LOXHD1: variants seen among roughly 807,000 people sequenced by gnomAD.
LOXHD1 encodes the protein lipoxygenase homology domain-containing protein 1.
A neutral mutation model predicts 248.2 loss-of-function variants in LOXHD1; 205 were observed. That is an observed-to-expected ratio of 0.83 (90% CI 0.74 to 0.93). LOXHD1 has a LOEUF of 0.93. Ranked by LOEUF, LOXHD1 falls within the 40% of genes least tolerant of loss-of-function variation. The probability of loss-of-function intolerance (pLI) is 0.00; values close to 1 mark genes in which losing one functional copy is unlikely to be tolerated. For missense variants in LOXHD1, 2,930 were observed against 2,971.6 expected (o/e 0.99, Z 0.33); for synonymous variants, 1,113 against 1,162.8 (o/e 0.96, Z 0.87).
intron 28 of LOXHD1, among the ~76,000 whole-genome samples, chr18:46,532,626 T>G (rs919796201): frequency 6.6e-6 from 1 of 152,184 alleles, no homozygotes; most frequent in Non-Finnish European, 1.5e-5. Context: ...ACCACATTGA[T>G]GAAGAATGGA....
At chr18:46,624,885 T>G (rs2038719015) in intron 4 of LOXHD1, among the ~76,000 whole-genome samples, 5 of 152,160 alleles carry the variant, frequency 3.3e-5, no homozygotes, top group Admixed American at 3.3e-4. Flanking sequence ...TAGAATACCC[T>G]CCACCTTGCT....
chr18:46,542,818 A>T lies in LOXHD1; in HGVS notation c.3657T>A (p.Asp1219Glu), dbSNP rs397517862. ...TTTCAATGCTGTCCCTCTCAAACTTATCGCTGTTTGTCTTGGAGGACTTCA... is the reference window on the plus strand; with the variant it reads ...TTTCAATGCTGTCCCTCTCAAACTTTTCGCTGTTTGTCTTGGAGGACTTCA... ...TLLKSSKTNS[D>E]KFERDSIEIF... Residue 1219 changes from aspartate (D) to glutamate (E), a missense_variant, in exon 24 of 41, where the codon GAT (aspartate) becomes GAA (glutamate). Asp to Glu is a conservative substitution (Grantham distance 45). Transcript: ENST00000642948. The T allele has an allele frequency of 9.0e-6, 14 of 1,551,548 alleles. No individual in the cohort carries two copies. The highest frequency in any genetic ancestry group is 5.9e-5 in the South Asian group (5 of 84,044).
intron 34 of LOXHD1, among the ~76,000 whole-genome samples, chr18:46,513,907 G>T (rs146433573): frequency 6.6e-6 from 1 of 152,276 alleles, no homozygotes; most frequent in East Asian, 1.9e-4. Flanking sequence ...TCCAAGCCTG[G>T]GGCTGGTGAG....
At chr18:46,587,879 T>C (rs328157) in intron 12 of LOXHD1, among the ~76,000 whole-genome samples, 120,665 of 152,120 alleles carry the variant, frequency 0.79, 48,417 homozygotes, top group Non-Finnish European at 0.86. Context: ...CCAGTCTGTG[T>C]TAATCAGAAC....
intron 1 of LOXHD1, among the ~76,000 whole-genome samples, chr18:46,651,730 T>C (rs1029637193): frequency 2.0e-5 from 3 of 151,354 alleles, no homozygotes; most frequent in African/African-American, 7.3e-5. Context: ...GGAAGGTATT[T>C]GGAATGCGTA....
chr18:46,586,449 G>A (rs1347595446), intron 12 of LOXHD1, among the ~76,000 whole-genome samples: 1 of 151,948 alleles, frequency 6.6e-6, no homozygotes, highest in East Asian at 1.9e-4. Context: ...TGTTTGTTTT[G>A]TTTGTTTGTT....
chr18:46,642,594 G>C (rs1369049231), intron 2 of LOXHD1, among the ~76,000 whole-genome samples: 1 of 152,220 alleles, frequency 6.6e-6, no homozygotes, highest in Non-Finnish European at 1.5e-5. Flanking sequence ...AGGGAAGTAG[G>C]GCAGTGAGGG....
chr18:46,509,651 G>T (rs1173811263), intron 35 of LOXHD1, 47 bp downstream of exon 35: 1 of 1,355,250 alleles, frequency 7.4e-7, no homozygotes, highest in Non-Finnish European at 1.0e-6. Flanking sequence ...ACCAGGGGAA[G>T]GGGTGGGTGG....
At chr18:46,613,961 T>A (rs1365898790) in intron 5 of LOXHD1, among the ~76,000 whole-genome samples, 1 of 152,198 alleles carries the variant, frequency 6.6e-6, no homozygotes, top group Non-Finnish European at 1.5e-5. Flanking sequence ...GTCTTTCACA[T>A]GACAAAATGC....
chr18:46,572,070 C>G lies in LOXHD1; in HGVS notation c.2047+16G>C. 1 of 1,551,032 alleles carries G rather than the reference C, an allele frequency of 6.4e-7. No individual in the cohort carries two copies. The highest frequency in any genetic ancestry group is 8.7e-7 in the Non-Finnish European group (1 of 1,146,364). The stretch of plus-strand genomic sequence containing the variant: ...ACCAAGGGCACACCCAGCACCTGGT[C>G]ATCAGGACAACTCACTCTTCAGTGT... On this transcript the variant is annotated intron_variant, in intron 15 of 40. Transcript: ENST00000642948.
intron 36 of LOXHD1, 23 bp downstream of exon 36, chr18:46,507,515 G>A (rs934517558): frequency 1.1e-4 from 165 of 1,551,330 alleles, no homozygotes; most frequent in Non-Finnish European, 8.0e-5. Context: ...GGGAGCGGGA[G>A]GTGTGAGGGA....
At chr18:46,588,492 T>C (rs906417907) in intron 12 of LOXHD1, among the ~76,000 whole-genome samples, 4 of 152,226 alleles carry the variant, frequency 2.6e-5, no homozygotes, top group Admixed American at 6.5e-5. Context: ...GAGCACATTT[T>C]ATACATGTAA....
chr18:46,546,536 T>TCCATTTCATTCCAACCCATC (rs2036848219), intron 22 of LOXHD1, among the ~76,000 whole-genome samples: 1 of 151,560 alleles, frequency 6.6e-6, no homozygotes. Flanking sequence ...TCCATTCCAT[T>TCCATTTCATTCCAACCCATC]CCATTTCATT....
intron 37 of LOXHD1, among the ~76,000 whole-genome samples, chr18:46,505,202 G>A (rs1475513280): frequency 6.8e-6 from 1 of 146,652 alleles, no homozygotes; most frequent in Non-Finnish European, 1.5e-5. Flanking sequence ...TTTTTTTTGA[G>A]ACAGGTTCTC....
rs1042640375 is a variant in LOXHD1 at position 46,509,793 on chromosome 18, T to C, written c.5422A>G (p.Thr1808Ala). Residue 1808 changes from threonine to alanine, a missense_variant, in exon 35 of 41, where the codon ACC becomes GCC. Physicochemically the swap from Thr to Ala is moderately conservative, Grantham distance 58. Coordinates refer to ENST00000642948, the MANE Select transcript of LOXHD1 (RefSeq NM_001384474.1). ...ATGTCTAGGATCTCCATGATGAAGG[T>C]GTCGTTCTGCTCCCGCTCAAACCTG... ...KARFEREQND[T>A]FIMEILDIAP... 1.3e-6 allele frequency: 2 copies of C among 1,543,144 alleles called. No individual in the cohort carries two copies. Among genetic ancestry groups the C allele is most frequent in the Admixed American group, 2.0e-5 (1 of 50,608 alleles).
chr18:46,655,043 A>T (rs189859867), intron 1 of LOXHD1, among the ~76,000 whole-genome samples: 1 of 152,310 alleles, frequency 6.6e-6, no homozygotes, highest in Admixed American at 6.5e-5. Flanking sequence ...AAAGGATAAC[A>T]CATCTGCTGC....
At chr18:46,592,201 G>GGGCC in intron 11 of LOXHD1, 133 bp from the exon 12 acceptor site, 1 of 1,246,662 alleles carries the variant, frequency 8.0e-7, no homozygotes, top group Non-Finnish European at 1.1e-6. Context: ...GGCAGGCAGA[G>GGGCC]GGCCGGATTA....
At chr18:46,597,391 A>G (rs936523156) in intron 8 of LOXHD1, among the ~76,000 whole-genome samples, 1 of 152,234 alleles carries the variant, frequency 6.6e-6, no homozygotes, top group East Asian at 1.9e-4. Context: ...GATAAATAGT[A>G]TCAGATTGGA....
Position 46,522,233 on chromosome 18 carries a change from G to A in LOXHD1, c.4953C>T (p.Leu1651=), listed in dbSNP as rs1179515673. 2.6e-6 allele frequency: 4 copies of A among 1,551,914 alleles called. No homozygotes were observed. The highest frequency in any genetic ancestry group is 3.5e-6 in the Non-Finnish European group (4 of 1,147,046). Residue 1651 remains leucine (L), a synonymous_variant, in exon 32 of 41, where the codon CTC becomes CTT. Transcript: ENST00000642948. The stretch of plus-strand genomic sequence containing the variant: ...TACTACGTTCATCATCCTCCCCGAT[G>A]AGAAAGATGAAGGCTCGGCTGTCAG... ...AATDSRAFIF[L]IGEDDERSKR...
Sources: gnomAD v4.1 joint callset for allele counts (sites outside exome capture counted in the v4.1 genomes callset) on GRCh38, gnomAD v4.1.1 for gene constraint, MANE v1.5 for transcripts, NCBI Gene and HGNC (gene_info 2026-07-23, HGNC 2026-07-21) for gene names.